DNAJC6: variants seen among roughly 807,000 people sequenced by gnomAD.
The protein encoded by DNAJC6 is auxilin.
A neutral mutation model predicts 110.0 loss-of-function variants in DNAJC6; 34 were observed. The observed-to-expected ratio is 0.31, with a 90% CI of 0.24 to 0.41. The LOEUF is 0.41. DNAJC6 is among the 10% of genes least tolerant of loss of function. The pLI is 1.00. For synonymous variants in DNAJC6, 406 were observed against 437.2 expected, an observed-to-expected ratio of 0.93 and a Z score of 0.89; for missense variants, 1,031 against 1,207.8, an observed-to-expected ratio of 0.85 and a Z score of 2.17.
At chr1:65,337,983 C>G (rs1645353462) in intron 1 of DNAJC6, among the ~76,000 whole-genome samples, 1 of 152,106 alleles carries the variant, frequency 6.6e-6, no homozygotes, top group Non-Finnish European at 1.5e-5. Flanking sequence ...TCCTTGCTTT[C>G]TGGTATCACC....
upstream of DNAJC6, chr1:65,309,509 G>C: frequency 9.4e-7 from 1 of 1,062,190 alleles, no homozygotes; most frequent in Non-Finnish European, 1.1e-6. Flanking sequence ...GCCCGGCCGC[G>C]TCTCCTTCCC....
At chr1:65,307,106 A>G (rs1465131464), upstream of DNAJC6, among the ~76,000 whole-genome samples, 3 of 150,782 alleles carry the variant, frequency 2.0e-5, no homozygotes, top group South Asian at 2.1e-4. Flanking sequence ...TTTATAGAGT[A>G]GAACAGTGAG....
chr1:65,273,365 G>A (rs563288063), intron 1 of DNAJC6, among the ~76,000 whole-genome samples: 4 of 152,258 alleles, frequency 2.6e-5, no homozygotes, highest in African/African-American at 7.2e-5. Context: ...TTTGGAGGCC[G>A]AGGCAGGTGG....
At chr1:65,329,008 C>A (rs555095452) in intron 1 of DNAJC6, among the ~76,000 whole-genome samples, 29 of 152,270 alleles carry the variant, frequency 1.9e-4, no homozygotes, top group Admixed American at 2.0e-4. Flanking sequence ...CTCTTTGTGG[C>A]ACTTTTCTCA....
rs1003706568 is a variant in DNAJC6, at chr1:65,356,425, G to T, written c.194-8210G>T. Among the ~76,000 whole-genome samples, 7 of 151,952 alleles carry T rather than the reference G, an allele frequency of 4.6e-5. No homozygotes were observed. In the East Asian group the frequency reaches 1.2e-3, roughly 25 times the overall value. On this transcript the variant is annotated intron_variant, in intron 1 of 18. Transcript: ENST00000371069. ...TGTCTCTACAAAAAATTAACTGGGT[G>T]TGGTGGTGCATGCCTGTAATCCCAG...
intron 1 of DNAJC6, among the ~76,000 whole-genome samples, chr1:65,325,720 G>A (rs926867109): frequency 2.0e-5 from 3 of 152,320 alleles, no homozygotes; most frequent in Admixed American, 2.0e-4. Context: ...ATAGCCATAC[G>A]TTCTGAGAAA....
At chr1:65,355,896 T>G (rs1243280230) in intron 1 of DNAJC6, among the ~76,000 whole-genome samples, 1 of 150,316 alleles carries the variant, frequency 6.7e-6, no homozygotes, top group Non-Finnish European at 1.5e-5. Flanking sequence ...TTTTTTTTTT[T>G]TTTTTTTTTC....
chr1:65,361,239 G>A (rs1186558736), intron 1 of DNAJC6, among the ~76,000 whole-genome samples: 1 of 152,170 alleles, frequency 6.6e-6, no homozygotes, highest in African/African-American at 2.4e-5. Context: ...AGTTCCTGTT[G>A]CATTGGAGAG....
chr1:65,332,895 G>A (rs1645301111), intron 1 of DNAJC6, among the ~76,000 whole-genome samples: 1 of 152,188 alleles, frequency 6.6e-6, no homozygotes, highest in East Asian at 1.9e-4. Context: ...GATTATATCA[G>A]AATTTCAAAC....
intron 1 of DNAJC6, among the ~76,000 whole-genome samples, chr1:65,344,947 C>T (rs530885693): frequency 5.8e-4 from 88 of 152,152 alleles, no homozygotes; most frequent in African/African-American, 1.8e-3. Context: ...AAAATATTTC[C>T]GAGTCCCAGT....
At chr1:65,318,485 T>C (rs1645167668) in intron 1 of DNAJC6, among the ~76,000 whole-genome samples, 2 of 152,286 alleles carry the variant, frequency 1.3e-5, no homozygotes, top group South Asian at 4.1e-4. Context: ...CTGCATCAGA[T>C]GTACCTGAGT....
rs148185450 is a variant in DNAJC6, at chr1:65,380,851, C to T, written c.666+1327C>T. ...GACATGCATATGTTGGAAATGAATA[C>T]CATGTCTTTGGGAAATGGAATTGAA... On this transcript the variant is annotated intron_variant, in intron 5 of 18. Coordinates refer to ENST00000371069, the MANE Select transcript of DNAJC6 (RefSeq NM_001256864.2). 6.1e-4 allele frequency among the ~76,000 whole-genome samples: 92 copies of T among 151,128 alleles called. 2 individuals are homozygous for T. The East Asian group carries it at 0.017, about 28-fold the overall frequency.
chr1:65,302,511 G>A (rs1349384834), intron 1 of DNAJC6, among the ~76,000 whole-genome samples: 2 of 140,038 alleles, frequency 1.4e-5, no homozygotes, highest in Non-Finnish European at 3.1e-5. Context: ...CCCCCTTGCT[G>A]TCTCTTCCTT....
chr1:65,397,936 G>A (rs900586097), intron 13 of DNAJC6, among the ~76,000 whole-genome samples: 1 of 152,122 alleles, frequency 6.6e-6, no homozygotes, highest in Non-Finnish European at 1.5e-5. Context: ...GTGTGCGTGT[G>A]TGTGTGTTTT....
intron 4 of DNAJC6, among the ~76,000 whole-genome samples, chr1:65,374,330 T>G (rs1645738901): frequency 6.6e-6 from 1 of 152,170 alleles, no homozygotes; most frequent in Non-Finnish European, 1.5e-5. Flanking sequence ...GTCATTGGCA[T>G]TTTGATAGAG....
intron 16 of DNAJC6, 28 bp downstream of exon 16, chr1:65,406,161 A>T: frequency 6.3e-7 from 1 of 1,596,102 alleles, no homozygotes; most frequent in Non-Finnish European, 8.6e-7. Context: ...GGACCTAGCT[A>T]TGGGGCAGCC....
At chr1:65,380,940 G>T (rs1418940135) in intron 5 of DNAJC6, among the ~76,000 whole-genome samples, 2 of 86,150 alleles carry the variant, frequency 2.3e-5, no homozygotes, top group South Asian at 3.9e-4. Context: ...TTTTTTTTGG[G>T]ACCGAGTCTT....
chr1:65,333,750 C>T (rs777354172), intron 1 of DNAJC6, among the ~76,000 whole-genome samples: 2 of 152,048 alleles, frequency 1.3e-5, no homozygotes, highest in African/African-American at 2.4e-5. Flanking sequence ...CCTAATAATG[C>T]TCTCTACAAT....
chr1:65,305,186 T>C (rs1251946929), upstream of DNAJC6, among the ~76,000 whole-genome samples: 6 of 152,380 alleles, frequency 3.9e-5, no homozygotes, highest in East Asian at 1.2e-3. Context: ...TCATTTACTG[T>C]CTGCTTAGCC....
Sources: allele counts gnomAD v4.1 joint callset (sites outside exome capture counted in the v4.1 genomes callset), GRCh38; gene constraint gnomAD v4.1.1; transcripts MANE v1.5; gene names NCBI Gene and HGNC (gene_info 2026-07-23, HGNC 2026-07-21).